TSPAN2: variants seen among roughly 807,000 people sequenced by gnomAD.
TSPAN2 encodes the protein tetraspanin 2.
TSPAN2 carries 24 observed loss-of-function variants against 33.3 expected under a neutral mutation model. That is an observed-to-expected ratio of 0.72 (90% confidence interval 0.52 to 1.01). The LOEUF (loss-of-function observed/expected upper bound fraction) is 1.01. TSPAN2 is among the 50% of genes least tolerant of loss of function. The pLI, the probability that TSPAN2 is intolerant of heterozygous loss-of-function variation, is 0.00. For missense variants in TSPAN2, 278 were observed against 281.3 expected, an observed-to-expected ratio of 0.99 and a Z score of 0.08; for synonymous variants, 114 against 104.5, an observed-to-expected ratio of 1.09 and a Z score of -0.56.
rs1647474023 is a variant in TSPAN2, at chr1:115,057,401, T to C, written c.516+136A>G. 5 of 834,796 alleles carry C rather than the reference T, an allele frequency of 6.0e-6. No individual in the cohort carries two copies. The Admixed American group carries it at 9.9e-5, about 16-fold the overall frequency. The allele number at this position is 834,796 out of a possible 1,614,324, so 51.7% of individuals were successfully genotyped here. On this transcript the variant is annotated intron_variant, in intron 6 of 7. Coordinates refer to ENST00000369516, the MANE Select transcript of TSPAN2 (RefSeq NM_005725.6). ...GGTCTCTCAGCTCAACGCTATTCATTTTCCATCAATCCTCTATGCTGCCAC... is the reference window on the plus strand; with the variant it reads ...GGTCTCTCAGCTCAACGCTATTCATCTTCCATCAATCCTCTATGCTGCCAC...
At chr1:115,077,490 C>A (rs772506548) in intron 1 of TSPAN2, among the ~76,000 whole-genome samples, 1 of 152,064 alleles carries the variant, frequency 6.6e-6, no homozygotes, top group Non-Finnish European at 1.5e-5. Flanking sequence ...TTGGAGGACA[C>A]GAAATTGCAA....
intron 7 of TSPAN2, among the ~76,000 whole-genome samples, chr1:115,052,464 C>A (rs58105707): frequency 0.015 from 2,316 of 152,298 alleles, 53 homozygotes; most frequent in African/African-American, 0.053. Flanking sequence ...TTGCCTCCCT[C>A]CAACCTTTCC....
chr1:115,073,918 C>G (rs919374225), intron 1 of TSPAN2, among the ~76,000 whole-genome samples: 1 of 152,248 alleles, frequency 6.6e-6, no homozygotes, highest in Middle Eastern at 3.4e-3. Context: ...CCAGCAGGCT[C>G]TAGCCACGGT....
intron 7 of TSPAN2, 45 bp downstream of exon 7, chr1:115,053,334 A>C (rs1647259957): frequency 1.3e-6 from 2 of 1,551,148 alleles, no homozygotes; most frequent in Admixed American, 3.4e-5. Flanking sequence ...CAAAGTTTCA[A>C]GGCTTTTTAG....
rs563505103 is a variant in TSPAN2 at position 115,057,717 on chromosome 1, C to G, written c.445-109G>C. The G allele has an allele frequency of 1.8e-4, 170 of 919,562 alleles. 1 individual carries two copies. The African/African-American group carries it at 2.7e-3, about 14-fold the overall frequency. 57.0% of individuals were successfully genotyped at this position (919,562 alleles called of 1,614,324 possible). On this transcript the variant is annotated intron_variant, in intron 5 of 7. Transcript: ENST00000369516. ...CCGAGGCGGCAAAGCAGCTCCGAGGCCCAGTCACTGCAACCCAGACTGCTA... is the reference window on the plus strand; with the variant it reads ...CCGAGGCGGCAAAGCAGCTCCGAGGGCCAGTCACTGCAACCCAGACTGCTA...
intron 1 of TSPAN2, among the ~76,000 whole-genome samples, chr1:115,080,019 A>G (rs1243735823): frequency 6.6e-6 from 1 of 152,232 alleles, no homozygotes; most frequent in African/African-American, 2.4e-5. Flanking sequence ...TTAAATTGTT[A>G]TAAAGTTAAC....
rs1383748059 is a variant in TSPAN2 at position 115,048,931 on chromosome 1, G to C, written c.*1559C>G. 6.6e-6 allele frequency: 1 copy of C among 152,116 alleles called. No individual in the cohort carries two copies. Among genetic ancestry groups the C allele is most frequent in the Non-Finnish European group, 1.5e-5 (1 of 67,966 alleles). 9.4% of individuals were successfully genotyped at this position (152,116 alleles called of 1,614,324 possible). On this transcript the variant is annotated 3_prime_UTR_variant, in exon 8 of 8. Coordinates refer to ENST00000369516, the MANE Select transcript of TSPAN2 (RefSeq NM_005725.6). The stretch of plus-strand genomic sequence containing the variant: ...GAGAAATGTGGTTCTCCATGGGAGA[G>C]AGACTATTTCAAGCAGTCATATCTT...
At chr1:115,086,717 G>A (rs556185250) in intron 1 of TSPAN2, among the ~76,000 whole-genome samples, 17 of 152,174 alleles carry the variant, frequency 1.1e-4, no homozygotes, top group African/African-American at 2.2e-4. Flanking sequence ...CACTGGTCTC[G>A]TTTCCTCAAT....
intron 3 of TSPAN2, among the ~76,000 whole-genome samples, chr1:115,061,895 C>T (rs998043937): frequency 1.3e-5 from 2 of 152,094 alleles, no homozygotes; most frequent in African/African-American, 2.4e-5. Flanking sequence ...CTCCAGAGAT[C>T]CTCCTGCCTC....
intron 2 of TSPAN2, among the ~76,000 whole-genome samples, chr1:115,069,594 T>C (rs1327290835): frequency 6.6e-6 from 1 of 152,268 alleles, no homozygotes; most frequent in African/African-American, 2.4e-5. Context: ...GGCTCCAGAC[T>C]GGACTCTGGT....
At chr1:115,081,171 T>C (rs1648611332) in intron 1 of TSPAN2, among the ~76,000 whole-genome samples, 1 of 152,224 alleles carries the variant, frequency 6.6e-6, no homozygotes, top group African/African-American at 2.4e-5. Context: ...CTTGGTGCTC[T>C]ATAGAGATTT....
At chr1:115,066,208 T>C (rs1161913174) in intron 2 of TSPAN2, among the ~76,000 whole-genome samples, 6 of 152,222 alleles carry the variant, frequency 3.9e-5, no homozygotes. Context: ...GCAATAAACA[T>C]GGGAGTGCAG....
chr1:115,055,729 C>T (rs1557876135), intron 6 of TSPAN2, among the ~76,000 whole-genome samples: 1 of 152,054 alleles, frequency 6.6e-6, no homozygotes, highest in Non-Finnish European at 1.5e-5. Flanking sequence ...ACCATGTTGC[C>T]CAGGGTGGTC....
intron 3 of TSPAN2, among the ~76,000 whole-genome samples, chr1:115,061,212 A>G (rs1450840747): frequency 1.3e-5 from 2 of 152,244 alleles, no homozygotes; most frequent in African/African-American, 4.8e-5. Flanking sequence ...GGCCAGAGTT[A>G]AAAATCCAAA....
At chr1:115,064,749 A>G (rs961779235) in intron 2 of TSPAN2, among the ~76,000 whole-genome samples, 3 of 152,212 alleles carry the variant, frequency 2.0e-5, no homozygotes, top group African/African-American at 7.2e-5. Context: ...GCAAACATCC[A>G]CAAAGCAACT....
At position 115,085,490 on chromosome 1, in the gene TSPAN2, C is replaced by T. The variant is rs1391976831; in HGVS notation, c.69+3874G>A. On this transcript the variant is annotated intron_variant, in intron 1 of 7. Transcript: ENST00000369516. ...GTCCCACCTCTATGCTTACTTCTGG[C>T]GAGGTTCTGATTGGAAGGAAGTGCT... Among the ~76,000 whole-genome samples the T allele has an allele frequency of 3.3e-5, 5 of 152,090 alleles. No homozygotes were observed. In the South Asian group the frequency reaches 6.2e-4, roughly 19 times the overall value.
intron 1 of TSPAN2, among the ~76,000 whole-genome samples, chr1:115,075,084 C>T (rs895954341): frequency 6.6e-6 from 1 of 152,150 alleles, no homozygotes; most frequent in South Asian, 2.1e-4. Flanking sequence ...CACCCCACCA[C>T]GAGGCCACAT....
chr1:115,081,103 A>C (rs1277434562), intron 1 of TSPAN2, among the ~76,000 whole-genome samples: 1 of 152,236 alleles, frequency 6.6e-6, no homozygotes, highest in Non-Finnish European at 1.5e-5. Flanking sequence ...AAGCCAAAAC[A>C]ATTTGTTTAC....
At chr1:115,075,050 G>A (rs1472413691) in intron 1 of TSPAN2, among the ~76,000 whole-genome samples, 1 of 152,194 alleles carries the variant, frequency 6.6e-6, no homozygotes, top group Non-Finnish European at 1.5e-5. Context: ...AGCAGACTGT[G>A]GAGGAGGTGA....
Sources: allele counts gnomAD v4.1 joint callset (sites outside exome capture counted in the v4.1 genomes callset), GRCh38; gene constraint gnomAD v4.1.1; transcripts MANE v1.5; gene names NCBI Gene and HGNC (gene_info 2026-07-23, HGNC 2026-07-21).